The following KDR variants were observed in gnomAD, a reference collection of about 807,000 sequenced individuals.
KDR encodes the protein kinase insert domain receptor, also known as vascular endothelial growth factor receptor 2.
A neutral mutation model predicts 160.9 loss-of-function variants in KDR; 43 were observed. That is an observed-to-expected ratio of 0.27 (90% confidence interval 0.21 to 0.34). The LOEUF is 0.34. Ranked by LOEUF, KDR falls within the 10% of genes least tolerant of loss-of-function variation. The pLI is 1.00. For synonymous variants in KDR, 617 were observed against 600.1 expected, an observed-to-expected ratio of 1.03 and a Z score of -0.41; for missense variants, 1,469 against 1,666.4, an observed-to-expected ratio of 0.88 and a Z score of 2.06.
At position 55,107,751 on chromosome 4, in the gene KDR, G is replaced by A. The variant is rs150787984; in HGVS notation, c.1398C>T (p.Cys466=). 602 of 1,613,902 alleles carry A rather than the reference G, an allele frequency of 3.7e-4. No homozygotes were observed. Among genetic ancestry groups the A allele is most frequent in the African/African-American group, 1.0e-3 (77 of 75,022 alleles). ...IHWYWQLEEE[C]ANEPSQAVSV... ...GCCTTACTCACCTGGGCTCGTTGGC[G>A]CACTCTTCCTCCAACTGCCAATACC... Residue 466 remains cysteine (C), a synonymous_variant, in exon 10 of 30, where the codon TGC becomes TGT. Coordinates refer to ENST00000263923, the MANE Select transcript of KDR (RefSeq NM_002253.4).
chr4:55,093,745 T>C (rs1720077845), intron 21 of KDR, among the ~76,000 whole-genome samples: 1 of 152,176 alleles, frequency 6.6e-6, no homozygotes, highest in Non-Finnish European at 1.5e-5. Context: ...CCACTATTCT[T>C]CTAGACTTAT....
chr4:55,102,317 T>C (rs761871584), intron 14 of KDR, 45 bp downstream of exon 14: 88 of 1,594,442 alleles, frequency 5.5e-5, no homozygotes, highest in Non-Finnish European at 7.5e-5. Flanking sequence ...ATAACATCCC[T>C]GGGAAAGTTC....
intron 15 of KDR, 30 bp from the exon 16 acceptor site, chr4:55,098,833 C>G (rs1258261026): frequency 6.8e-7 from 1 of 1,480,434 alleles, no homozygotes; most frequent in South Asian, 1.1e-5. Context: ...TGAGTATCAA[C>G]AGTTGGAAAC....
intron 9 of KDR, among the ~76,000 whole-genome samples, chr4:55,109,120 G>A (rs1486248753): frequency 6.6e-6 from 1 of 151,234 alleles, no homozygotes; most frequent in African/African-American, 2.4e-5. Flanking sequence ...TTTTGCTCTT[G>A]TCACCAGGCT....
Position 55,125,236 on chromosome 4 carries a change from C to T in KDR, c.58G>A (p.Ala20Thr), listed in dbSNP as rs2110039240. ...AGAGTGGGCTCCTTACCCACAGAGG[C>T]GGCCCGGGTCTCCACGCAGAGCCAC... is the stretch of plus-strand genomic sequence containing the variant. ...ALWLCVETRA[A>T]SVGLPSVSLD... The change falls in exon 1 of 30, where the codon GCC becomes ACC. Residue 20 changes from alanine (A) to threonine (T), a missense_variant. Around this residue, in one of 7 missense-constraint regions of KDR, gnomAD observed 792 missense variants for 840.9 expected, o/e 0.94. Coordinates refer to ENST00000263923, the MANE Select transcript of KDR (RefSeq NM_002253.4). 1.2e-6 allele frequency: 2 copies of T among 1,612,662 alleles called. No individual in the cohort carries two copies. Among genetic ancestry groups the T allele is most frequent in the East Asian group, 2.2e-5 (1 of 44,844 alleles).
intron 3 of KDR, 93 bp from the exon 4 acceptor site, chr4:55,115,504 A>C (rs1371877530): frequency 1.4e-6 from 1 of 728,850 alleles, no homozygotes; most frequent in African/African-American, 1.8e-5. Context: ...CAGACAAGTG[A>C]ATGACTGGAA....
At chr4:55,121,578 C>T (rs1481805639) in intron 1 of KDR, among the ~76,000 whole-genome samples, 3 of 152,228 alleles carry the variant, frequency 2.0e-5, no homozygotes, top group Non-Finnish European at 4.4e-5. Flanking sequence ...ACACATTTGA[C>T]TAAATTGCTG....
chr4:55,089,094 A>G, intron 25 of KDR, 121 bp from the exon 26 acceptor site: 1 of 778,760 alleles, frequency 1.3e-6, no homozygotes, highest in South Asian at 1.5e-5. Flanking sequence ...ATAAGGATAC[A>G]AAACTGTGTA....
At chr4:55,101,676 G>GT (rs1226307395) in intron 15 of KDR, among the ~76,000 whole-genome samples, 1 of 152,142 alleles carries the variant, frequency 6.6e-6, no homozygotes, top group Non-Finnish European at 1.5e-5. Context: ...AGGCCCCAGT[G>GT]TGTGTTGTTC....
rs761933271 is a variant in KDR, at chr4:55,104,940, G to C, written c.1690C>G (p.Gln564Glu). 14 of 1,613,794 alleles carry C rather than the reference G, an allele frequency of 8.7e-6. No individual in the cohort carries two copies. In the South Asian group the frequency reaches 1.5e-4, roughly 18 times the overall value. ...TLQPDMQPTE[Q>E]ESVSLWCTAD... Reference sequence around the variant, plus strand: ...GTGCACCACAAAGACACGCTCTCCTGCTCAGTGGGCTGCATGTCAGGTTGC... The same window carrying C: ...GTGCACCACAAAGACACGCTCTCCTCCTCAGTGGGCTGCATGTCAGGTTGC... Residue 564 changes from glutamine to glutamate, a missense_variant, in exon 13 of 30, where the codon CAG (glutamine) becomes GAG (glutamate). This residue lies in a region of KDR where 792 missense variants were observed against 840.9 expected (regional missense o/e 0.94). Coordinates refer to ENST00000263923, the MANE Select transcript of KDR (RefSeq NM_002253.4).
chr4:55,095,505 A>T, intron 20 of KDR, 72 bp downstream of exon 20: 1 of 1,151,494 alleles, frequency 8.7e-7, no homozygotes, highest in Non-Finnish European at 1.3e-6. Flanking sequence ...TCAACTAAAA[A>T]ACTAACCTGT....
chr4:55,094,045 C>CAA (rs10716295), intron 21 of KDR, among the ~76,000 whole-genome samples: 1 of 140,092 alleles, frequency 7.1e-6, no homozygotes, highest in African/African-American at 2.6e-5. Flanking sequence ...ACTAAAAATA[C>CAA]AAAAAAAAAA....
chr4:55,089,898 T>C, intron 23 of KDR, 58 bp downstream of exon 23: 1 of 1,609,774 alleles, frequency 6.2e-7, no homozygotes, highest in East Asian at 2.2e-5. Flanking sequence ...TGAAGCTCTC[T>C]ACGAGGAGTT....
intron 19 of KDR, among the ~76,000 whole-genome samples, 193 bp from the exon 20 acceptor site, chr4:55,095,858 G>C (rs1720138734): frequency 6.6e-6 from 1 of 152,074 alleles, no homozygotes; most frequent in African/African-American, 2.4e-5. Context: ...ATTTTCACAA[G>C]ATTAACCAAA....
chr4:55,116,550 G>C (rs1720740503), intron 3 of KDR, among the ~76,000 whole-genome samples: 1 of 152,090 alleles, frequency 6.6e-6, no homozygotes, highest in African/African-American at 2.4e-5. Context: ...AAATCTCAGA[G>C]AGATAACATT....
chr4:55,114,347 T>G, intron 5 of KDR, 82 bp from the exon 6 acceptor site: 3 of 1,450,330 alleles, frequency 2.1e-6, no homozygotes, highest in Non-Finnish European at 2.9e-6. Context: ...TTTAAAGTAA[T>G]GCAACTTTAA....
At chr4:55,123,870 T>C (rs1720958831) in intron 1 of KDR, among the ~76,000 whole-genome samples, 2 of 152,326 alleles carry the variant, frequency 1.3e-5, no homozygotes, top group African/African-American at 4.8e-5. Flanking sequence ...ATTAAGCAAG[T>C]AATGCACTCC....
At chr4:55,124,533 T>C (rs1052434676) in intron 1 of KDR, among the ~76,000 whole-genome samples, 1 of 152,158 alleles carries the variant, frequency 6.6e-6, no homozygotes, top group Non-Finnish European at 1.5e-5. Flanking sequence ...TTGAAAGATG[T>C]GCAATGCTTT....
In KDR at chr4:55,094,714, T is replaced by C. The variant is rs73816204; in HGVS notation, c.2971+88A>G. The C allele has an allele frequency of 2.6e-3, 3,321 of 1,256,668 alleles. 54 individuals carry two copies. In the African/African-American group the frequency reaches 0.041, roughly 16 times the overall value. 77.8% of individuals were successfully genotyped at this position (1,256,668 alleles called of 1,614,324 possible). On this transcript the variant is annotated intron_variant, in intron 21 of 29. Transcript: ENST00000263923. ...AAATTATGAGGTAGTATTGGACTTT[T>C]CCCATGATCAAATTCCTTGTAACAC...
Sources: gnomAD v4.1 joint callset for allele counts (sites outside exome capture counted in the v4.1 genomes callset) on GRCh38, gnomAD v4.1.1 for gene constraint, gnomAD v4.1.1 regional missense constraint, MANE v1.5 for transcripts, NCBI Gene and HGNC (gene_info 2026-07-23, HGNC 2026-07-21) for gene names.